NF1: variants seen among roughly 807,000 people sequenced by gnomAD.
NF1 encodes the protein neurofibromin.
A neutral mutation model predicts 325.7 loss-of-function variants in NF1; 122 were observed. The observed-to-expected ratio is 0.37, with a 90% CI of 0.32 to 0.44. The LOEUF is 0.44. Ranked by LOEUF, NF1 falls within the 20% of genes least tolerant of loss-of-function variation. The pLI, the probability that NF1 is intolerant of heterozygous loss-of-function variation, is 1.00. For synonymous variants in NF1, 1,091 were observed against 1,186.0 expected (o/e 0.92, Z 1.65); for missense variants, 2,140 against 3,415.4 (o/e 0.63, Z 9.31).
At chr17:31,148,923 A>G (rs1328847696) in intron 1 of NF1, among the ~76,000 whole-genome samples, 1 of 152,168 alleles carries the variant, frequency 6.6e-6, no homozygotes, top group Non-Finnish European at 1.5e-5. Context: ...TGTATTCCAT[A>G]TAGAATATGG....
rs543836486 is a variant in NF1, at chr17:31,353,636, A to G, written c.7615+1222A>G. 2.0e-5 allele frequency among the ~76,000 whole-genome samples: 3 copies of G among 152,260 alleles called. No homozygotes were observed. The South Asian group carries it at 6.2e-4, about 32-fold the overall frequency. On this transcript the variant is annotated intron_variant, in intron 51 of 57. Coordinates refer to ENST00000358273, the MANE Select transcript of NF1 (RefSeq NM_001042492.3). ...CCGACTCCAAACAAACAAACAAACA[A>G]AAACACTGATCTTACATCGCTCCTC...
At chr17:31,321,375 A>G (rs1455129835) in intron 36 of NF1, 3 of 152,194 alleles carry the variant, frequency 2.0e-5, no homozygotes, top group African/African-American at 7.2e-5. Context: ...ATACATTTTC[A>G]GTCACAATTC....
At chr17:31,328,261 C>T (rs1214805548) in intron 38 of NF1, among the ~76,000 whole-genome samples, 1 of 152,200 alleles carries the variant, frequency 6.6e-6, no homozygotes, top group Non-Finnish European at 1.5e-5. Flanking sequence ...TTTCCACCTA[C>T]ATCACTCTTA....
intron 23 of NF1, 99 bp from the exon 24 acceptor site, chr17:31,230,743 G>A: frequency 5.3e-6 from 5 of 939,256 alleles, no homozygotes; most frequent in Non-Finnish European, 8.5e-6. Context: ...AGGTTATCTG[G>A]CAAATTATTT....
At position 31,229,953 on chromosome 17, in the gene NF1, CAAT is replaced by C. The variant is rs267606606; in HGVS notation, c.2970_2972del (p.Met992del). On this transcript the variant is annotated inframe_deletion, in exon 22 of 58. Transcript: ENST00000358273. Reference sequence around the variant, plus strand: ...CATCTAGGGCAAGCTAGCATTGAAACAATGATGTTAAATCTGGTCAGGTAAGCA... The same window carrying C: ...CATCTAGGGCAAGCTAGCATTGAAACGATGTTAAATCTGGTCAGGTAAGCA... The C allele has an allele frequency of 3.1e-6, 5 of 1,611,698 alleles. No individual in the cohort carries two copies. The highest frequency in any genetic ancestry group is 2.5e-6 in the Non-Finnish European group (3 of 1,179,686).
At chr17:31,301,670 G>C (rs572641041) in intron 36 of NF1, among the ~76,000 whole-genome samples, 5 of 152,296 alleles carry the variant, frequency 3.3e-5, no homozygotes, top group African/African-American at 1.2e-4. Flanking sequence ...TTAGTGAAAA[G>C]AGTGTTGAAC....
chr17:31,351,069 T>C (rs1243162822), intron 50 of NF1, among the ~76,000 whole-genome samples: 1 of 152,220 alleles, frequency 6.6e-6, no homozygotes, highest in Non-Finnish European at 1.5e-5. Context: ...AGTCTTACTT[T>C]CGTCAGTCCC....
At chr17:31,202,275 T>C (rs1023647308) in intron 11 of NF1, among the ~76,000 whole-genome samples, 15 of 152,358 alleles carry the variant, frequency 9.8e-5, no homozygotes, top group African/African-American at 3.6e-4. Context: ...GTAAATTGGT[T>C]GATGCTTTCC....
intron 1 of NF1, among the ~76,000 whole-genome samples, chr17:31,117,947 ATGTT>A (rs1914095347): frequency 6.6e-6 from 1 of 152,140 alleles, no homozygotes; most frequent in Admixed American, 6.6e-5. Flanking sequence ...TTAAAACTCA[ATGTT>A]TGTGAATTAG....
chr17:31,124,592 A>ATTT (rs35335433), intron 1 of NF1, among the ~76,000 whole-genome samples: 1,282 of 62,890 alleles, frequency 0.02, 42 homozygotes, highest in Middle Eastern at 0.031. Flanking sequence ...GTATTCTTGA[A>ATTT]TTTTTTTTTT....
chr17:31,334,659 T>C lies in NF1; in HGVS notation c.5813-179T>C, dbSNP rs960421308. ...TTACTGGCTTTTAAAATTACTTTCT[T>C]CAAGGACTGTTCTTTCTTCGCCTCT... On this transcript the variant is annotated intron_variant, in intron 39 of 57. Coordinates refer to ENST00000358273, the MANE Select transcript of NF1 (RefSeq NM_001042492.3). The C allele has an allele frequency of 5.1e-6, 3 of 592,366 alleles. No homozygotes were observed. The African/African-American group carries it at 5.6e-5, about 11-fold the overall frequency. The allele number at this position is 592,366 out of a possible 1,614,324, so 36.7% of individuals were successfully genotyped here.
rs1422561484 is a variant in NF1, at chr17:31,375,023, TA to T, written c.*869del. 5 of 200,564 alleles carry T rather than the reference TA, an allele frequency of 2.5e-5. No individual in the cohort carries two copies. The highest frequency in any genetic ancestry group is 7.5e-5 in the East Asian group (1 of 13,276). 12.4% of individuals were successfully genotyped at this position (200,564 alleles called of 1,614,324 possible). On this transcript the variant is annotated 3_prime_UTR_variant, in exon 58 of 58. Transcript: ENST00000358273. ...ACTAAGTATAGTAATTATATATATA[TA>T]TATATTTTTTCCCCTCCCCCTCTTC...
chr17:31,228,907 T>C (rs531327231), intron 20 of NF1, 118 bp from the exon 21 acceptor site: 2 of 744,712 alleles, frequency 2.7e-6, no homozygotes, highest in Non-Finnish European at 4.4e-6. Context: ...TTGATTTTAA[T>C]GTATATTTTA....
chr17:31,318,693 TACTGTTGAAGG>T, intron 36 of NF1: 2 of 1,614,164 alleles, frequency 1.2e-6, no homozygotes, highest in Non-Finnish European at 1.7e-6. Flanking sequence ...CAATGCTCTG[TACTGTTGAAGG>T]ACTGTTGCTG....
At chr17:31,277,644 G>A (rs944845394) in intron 36 of NF1, among the ~76,000 whole-genome samples, 7 of 151,966 alleles carry the variant, frequency 4.6e-5, no homozygotes, top group African/African-American at 1.7e-4. Flanking sequence ...GAATACAAGC[G>A]GAAGATTAGG....
At chr17:31,283,968 G>A (rs189221240) in intron 36 of NF1, among the ~76,000 whole-genome samples, 2 of 152,200 alleles carry the variant, frequency 1.3e-5, no homozygotes, top group African/African-American at 4.8e-5. Context: ...TAGTGGTAAA[G>A]CAAGTCTTTG....
chr17:31,300,191 A>G (rs1239494614), intron 36 of NF1, among the ~76,000 whole-genome samples: 2 of 152,020 alleles, frequency 1.3e-5, no homozygotes, highest in African/African-American at 2.4e-5. Flanking sequence ...TCAGCTTTTC[A>G]GGATCACAAG....
rs576781190 is a variant in NF1, at chr17:31,218,662, C to T, written c.1528-343C>T. Among the ~76,000 whole-genome samples, 392 of 152,248 alleles carry T rather than the reference C, an allele frequency of 2.6e-3. 2 individuals are homozygous for T. Among genetic ancestry groups the T allele is most frequent in the Non-Finnish European group, 3.3e-3 (224 of 68,008 alleles). ...TCTTGGCTCACTGCAACCACCGCCT[C>T]CCAGCTTCAAGCGATTCTCCTGCCT... On this transcript the variant is annotated intron_variant, in intron 13 of 57. Transcript: ENST00000358273.
chr17:31,180,132 C>A (rs2066099799), intron 5 of NF1, among the ~76,000 whole-genome samples: 1 of 152,146 alleles, frequency 6.6e-6, no homozygotes, highest in Non-Finnish European at 1.5e-5. Flanking sequence ...AAAAAAAGTC[C>A]AGGACCAGAT....
Sources: allele counts gnomAD v4.1 joint callset (sites outside exome capture counted in the v4.1 genomes callset), GRCh38; gene constraint gnomAD v4.1.1; transcripts MANE v1.5; gene names NCBI Gene and HGNC (gene_info 2026-07-23, HGNC 2026-07-21).